Variants in MTMR8 observed in about 807,000 individuals in gnomAD.
MTMR8 encodes phosphatidylinositol-3,5-bisphosphate 3-phosphatase MTMR8.
MTMR8 carries 65 observed loss-of-function variants against 39.3 expected under a neutral mutation model. The ratio of observed to expected loss-of-function variants is 1.65; its 90% CI spans 1.35 to 2.03. MTMR8 has a LOEUF of 2.03. Ranked by LOEUF, MTMR8 falls within the 30% of genes most tolerant of loss-of-function variation. The pLI is 0.00. For missense variants in MTMR8, 777 were observed against 538.9 expected (o/e 1.44, Z -4.37); for synonymous variants, 245 against 185.2 (o/e 1.32, Z -2.62).
intron 12 of MTMR8, among the ~76,000 whole-genome samples, chrX:64,318,653 T>A (rs899696973): frequency 9.1e-6 from 1 of 110,091 alleles, no homozygotes; most frequent in Non-Finnish European, 1.9e-5. Flanking sequence ...GTAGGAAAAA[T>A]ATGTTGACTC....
At position 64,271,006 on chromosome X, in the gene MTMR8, G is replaced by A. The variant is rs1569206302; in HGVS notation, c.1549C>T (p.Leu517Phe). The part of the protein sequence containing the change: ...LQPKQSMLES[L>F]LEIKKQRAML... ...GCTCTCTGTTTCTTAATTTCCAGGAGGCTCTCTAGCATACTCTGCTTGGGC... is the reference window on the plus strand; with the variant it reads ...GCTCTCTGTTTCTTAATTTCCAGGAAGCTCTCTAGCATACTCTGCTTGGGC... The change falls in exon 13 of 14, where the codon CTC becomes TTC. Residue 517 changes from leucine to phenylalanine, a missense_variant. Leu to Phe is a conservative substitution (Grantham distance 22, BLOSUM62 0). Transcript: ENST00000374852. The A allele has an allele frequency of 8.3e-7, 1 of 1,209,684 alleles. No homozygotes were observed. The highest frequency in any genetic ancestry group is 3.0e-5 in the East Asian group (1 of 33,730).
chrX:64,294,952 C>A (rs1393179881), intron 12 of MTMR8, among the ~76,000 whole-genome samples: 1 of 111,356 alleles, frequency 9.0e-6, no homozygotes, highest in Non-Finnish European at 1.9e-5. Flanking sequence ...TTTATTAAAT[C>A]TTGGGGTTAC....
intron 1 of MTMR8, among the ~76,000 whole-genome samples, chrX:64,389,100 T>G (rs1161632425): frequency 8.9e-6 from 1 of 111,878 alleles, no homozygotes; most frequent in Non-Finnish European, 1.9e-5. Flanking sequence ...ATGAAGATAA[T>G]AGTATTGTTG....
chrX:64,366,137 A>T (rs749974567), intron 1 of MTMR8, among the ~76,000 whole-genome samples: 4 of 111,593 alleles, frequency 3.6e-5, no homozygotes, highest in Non-Finnish European at 7.5e-5. Flanking sequence ...AGACACTTAG[A>T]CTCGCACACA....
chrX:64,295,155 C>A (rs1023969779), intron 12 of MTMR8, among the ~76,000 whole-genome samples: 1 of 109,864 alleles, frequency 9.1e-6, no homozygotes, highest in African/African-American at 3.3e-5. Context: ...ACCTGAGCAA[C>A]GAGGTACTAG....
chrX:64,313,993 C>CA (rs1409431236), intron 12 of MTMR8, among the ~76,000 whole-genome samples: 3 of 111,933 alleles, frequency 2.7e-5, no homozygotes, highest in Non-Finnish European at 5.6e-5. Flanking sequence ...TTGATTGTGG[C>CA]AAAAGGTGGG....
intron 12 of MTMR8, among the ~76,000 whole-genome samples, chrX:64,300,441 C>G (rs1300686602): frequency 7.2e-5 from 8 of 111,077 alleles, no homozygotes; most frequent in Non-Finnish European, 1.3e-4. Context: ...AGAGCTTCCT[C>G]CATCCTTTTA....
chrX:64,280,835 G>T (rs1405799132), intron 12 of MTMR8, among the ~76,000 whole-genome samples: 1 of 111,553 alleles, frequency 9.0e-6, no homozygotes, highest in African/African-American at 3.3e-5. Flanking sequence ...AAGCTGATAA[G>T]CAACTTCAGC....
intron 1 of MTMR8, among the ~76,000 whole-genome samples, chrX:64,381,447 T>C (rs1287921220): frequency 1.1e-4 from 8 of 70,157 alleles, no homozygotes; most frequent in African/African-American, 4.7e-4. Flanking sequence ...GATGGGGTTG[T>C]TTTTTTTTTT....
chrX:64,286,805 A>T (rs1251452981), intron 12 of MTMR8, among the ~76,000 whole-genome samples: 4 of 111,653 alleles, frequency 3.6e-5, no homozygotes, highest in Non-Finnish European at 7.5e-5. Flanking sequence ...TATTGATGGG[A>T]TATATCTCAA....
chrX:64,372,736 G>C (rs1279167522), intron 1 of MTMR8, among the ~76,000 whole-genome samples: 4 of 111,419 alleles, frequency 3.6e-5, no homozygotes, highest in Non-Finnish European at 7.5e-5. Flanking sequence ...TCACTGAAGG[G>C]ACATATGGGT....
intron 6 of MTMR8, among the ~76,000 whole-genome samples, chrX:64,346,412 C>G (rs193112707): frequency 1.8e-5 from 2 of 111,030 alleles, no homozygotes; most frequent in African/African-American, 6.5e-5. Flanking sequence ...TAATTTTGAT[C>G]TTTTATCACA....
intron 1 of MTMR8, among the ~76,000 whole-genome samples, chrX:64,365,886 A>G (rs1923938541): frequency 9.0e-6 from 1 of 111,636 alleles, no homozygotes; most frequent in Admixed American, 9.5e-5. Flanking sequence ...AGAGACACAC[A>G]TAGGCTCAAA....
Position 64,305,610 on chromosome X carries a change from C to T in MTMR8, c.1481+23162G>A, listed in dbSNP as rs777993683. 69 of 521,445 alleles carry T rather than the reference C, an allele frequency of 1.3e-4. No individual in the cohort carries two copies. In the East Asian group the frequency reaches 1.5e-3, roughly 11 times the overall value. 43.0% of individuals were successfully genotyped at this position (521,445 alleles called of 1,213,427 possible). On this transcript the variant is annotated intron_variant, in intron 12 of 13. Coordinates refer to ENST00000374852, the MANE Select transcript of MTMR8 (RefSeq NM_017677.4). ...TTGAGGTGCAGCAGTCTGAACCACCCGGCGGCTGAGAAGAGGAACCAAATG... is the reference window on the plus strand; with the variant it reads ...TTGAGGTGCAGCAGTCTGAACCACCTGGCGGCTGAGAAGAGGAACCAAATG...
intron 9 of MTMR8, 41 bp downstream of exon 9, chrX:64,337,227 G>A (rs776241008): frequency 2.7e-5 from 32 of 1,164,721 alleles, no homozygotes; most frequent in Admixed American, 1.3e-4. Flanking sequence ...GTCGCAATCT[G>A]TCTCTTACAC....
intron 12 of MTMR8, among the ~76,000 whole-genome samples, chrX:64,301,286 T>G (rs978874818): frequency 3.8e-5 from 4 of 105,921 alleles, no homozygotes; most frequent in African/African-American, 6.9e-5. Flanking sequence ...CTTTTTATTC[T>G]TTTTTCTCTA....
intron 12 of MTMR8, among the ~76,000 whole-genome samples, chrX:64,286,684 G>A (rs778711363): frequency 1.4e-4 from 16 of 111,760 alleles, no homozygotes; most frequent in African/African-American, 5.2e-4. Flanking sequence ...ACGTAATCTA[G>A]CATATAAACA....
chrX:64,291,080 T>A (rs1367329018), intron 12 of MTMR8, among the ~76,000 whole-genome samples: 1 of 111,685 alleles, frequency 9.0e-6, no homozygotes, highest in Non-Finnish European at 1.9e-5. Flanking sequence ...TATTTCATAT[T>A]TCTATTACAT....
At chrX:64,277,563 T>C (rs1286874576) in intron 12 of MTMR8, among the ~76,000 whole-genome samples, 1 of 112,111 alleles carries the variant, frequency 8.9e-6, no homozygotes, top group Non-Finnish European at 1.9e-5. Flanking sequence ...TGTTGAATAT[T>C]GGCCCCCACT....
Sources: allele counts gnomAD v4.1 joint callset (sites outside exome capture counted in the v4.1 genomes callset), GRCh38; gene constraint gnomAD v4.1.1; transcripts MANE v1.5; gene names NCBI Gene and HGNC (gene_info 2026-07-23, HGNC 2026-07-21).